Variants in KCTD2 observed in about 807,000 individuals in gnomAD.
KCTD2 encodes the protein potassium channel tetramerization domain containing 2, also known as BTB/POZ domain-containing protein KCTD2.
A neutral mutation model predicts 27.9 loss-of-function variants in KCTD2; 18 were observed. The ratio of observed to expected loss-of-function variants is 0.64; its 90% CI spans 0.45 to 0.96. The LOEUF is 0.96. Among genes scored for constraint, KCTD2 ranks in the 40% least tolerant of loss-of-function variants. KCTD2 has a pLI of 0.00. For missense variants in KCTD2, 280 were observed against 348.0 expected, an observed-to-expected ratio of 0.80 and a Z score of 1.56; for synonymous variants, 175 against 148.4, an observed-to-expected ratio of 1.18 and a Z score of -1.30.
intron 1 of KCTD2, among the ~76,000 whole-genome samples, chr17:75,048,303 A>G (rs1265836734): frequency 6.6e-6 from 1 of 152,142 alleles, no homozygotes; most frequent in Non-Finnish European, 1.5e-5. Context: ...CACTTAAACC[A>G]TTTCCAGTTT....
chr17:75,057,386 G>A (rs2073360574), intron 3 of KCTD2, among the ~76,000 whole-genome samples: 1 of 152,146 alleles, frequency 6.6e-6, no homozygotes, highest in Non-Finnish European at 1.5e-5. Flanking sequence ...TTTGACAGCT[G>A]TGGCCAACAT....
At chr17:75,037,322 C>T (rs972282584) in intron 3 of KCTD2, among the ~76,000 whole-genome samples, 1 of 140,748 alleles carries the variant, frequency 7.1e-6, no homozygotes, top group African/African-American at 2.7e-5. Context: ...CCAGCCTGGG[C>T]GACAAAGCAA....
chr17:75,044,670 G>C (rs1446447457), upstream of KCTD2, among the ~76,000 whole-genome samples: 1 of 151,836 alleles, frequency 6.6e-6, no homozygotes, highest in Non-Finnish European at 1.5e-5. Context: ...CAACACATGT[G>C]AAAATGTGAG....
In KCTD2 at chr17:75,065,146, T is replaced by A. The variant is rs1358051414; in HGVS notation, c.*2099T>A. ...AGTTGCCGCCATGAAAAGACTGCTC[T>A]TGAGCCCCAAGGCACAGGCACGTGC... On this transcript the variant is annotated 3_prime_UTR_variant, in exon 6 of 6. Transcript: ENST00000322444. 2 of 152,116 alleles carry A rather than the reference T, an allele frequency of 1.3e-5. No homozygotes were observed. Among genetic ancestry groups the A allele is most frequent in the South Asian group, 2.1e-4 (1 of 4,832 alleles). The allele number at this position is 152,116 out of a possible 1,614,324, so 9.4% of individuals were successfully genotyped here. A position where few individuals can be genotyped will look rare whatever the true frequency, so the allele number is the denominator to read the frequency against.
At chr17:75,060,577 G>A (rs1050845109) in intron 4 of KCTD2, 62 of 1,611,336 alleles carry the variant, frequency 3.8e-5, no homozygotes, top group Non-Finnish European at 5.1e-5. Flanking sequence ...TTGGCAAAGA[G>A]CAGCTGGCCG....
chr17:75,040,316 G>T (rs536818846), intron 3 of KCTD2: 17 of 811,298 alleles, frequency 2.1e-5, no homozygotes, highest in Non-Finnish European at 2.9e-5. Context: ...AAGCGGAAAC[G>T]AATACGCATC....
chr17:75,040,264 T>C (rs1264059272), intron 3 of KCTD2: 2 of 1,385,708 alleles, frequency 1.4e-6, no homozygotes, highest in East Asian at 4.6e-5. Flanking sequence ...GGCTGGAAGC[T>C]ACGAATCCTT....
At chr17:75,059,673 G>A (rs1012795885) in intron 4 of KCTD2, 68 bp downstream of exon 4, 8 of 1,245,142 alleles carry the variant, frequency 6.4e-6, no homozygotes, top group Admixed American at 3.7e-5. Context: ...CAAACAATCA[G>A]TGTGGATGGC....
chr17:75,062,354 C>CA (rs1189367898), intron 5 of KCTD2, 109 bp downstream of exon 5: 17 of 1,083,222 alleles, frequency 1.6e-5, no homozygotes, highest in East Asian at 2.7e-5. Flanking sequence ...CTTCTAGAGC[C>CA]AGCGTTGCAT....
At chr17:75,047,865 C>T (rs1455218877) in intron 1 of KCTD2, among the ~76,000 whole-genome samples, 2 of 152,190 alleles carry the variant, frequency 1.3e-5, no homozygotes, top group African/African-American at 2.4e-5. Flanking sequence ...CGAGAACGCA[C>T]TCCACACCCC....
rs1350182885 is a variant in KCTD2, at chr17:75,047,384, G to A, written c.134G>A (p.Gly45Asp). The change falls in exon 1 of 6, where the codon GGC becomes GAC. Residue 45 changes from glycine (G) to aspartate (D), a missense_variant. Transcript: ENST00000322444. ...GCTGGCCCCACGCCCCGCGGGCACG[G>A]CCGCCCGGCTGCCGCCGTCGCGCAG... ...RPAGPTPRGH[G>D]RPAAAVAQPL... is the part of the protein sequence containing the mutation. 3 of 1,138,372 alleles carry A rather than the reference G, an allele frequency of 2.6e-6. No homozygotes were observed. Among genetic ancestry groups the A allele is most frequent in the Non-Finnish European group, 3.2e-6 (3 of 929,316 alleles). The allele number at this position is 1,138,372 out of a possible 1,614,324, so 70.5% of individuals were successfully genotyped here. A position where few individuals can be genotyped will look rare whatever the true frequency, so the allele number is the denominator to read the frequency against.
At chr17:75,054,572 G>A (rs1291037772) in intron 3 of KCTD2, among the ~76,000 whole-genome samples, 5 of 152,076 alleles carry the variant, frequency 3.3e-5, no homozygotes, top group South Asian at 2.1e-4. Context: ...TTGGGAGGCC[G>A]AGACGGGCAG....
Position 75,047,454 on chromosome 17 carries a change from C to T in KCTD2, c.204C>T (p.Gly68=), listed in dbSNP as rs752606879. 13 of 1,541,238 alleles carry T rather than the reference C, an allele frequency of 8.4e-6. No homozygotes were observed. The highest frequency in any genetic ancestry group is 4.3e-5 in the African/African-American group (3 of 70,460). Reference sequence around the variant, plus strand: ...GACCACCCGAGCGGGCAGGGGGCGGCGGCGCGGCCCGCTGGGTCAGGCTGA... The same window carrying T: ...GACCACCCGAGCGGGCAGGGGGCGGTGGCGCGGCCCGCTGGGTCAGGCTGA... ...GPGPPERAGG[G]GAARWVRLNV... The change falls in exon 1 of 6, where the codon GGC becomes GGT. Residue 68 remains glycine, a synonymous_variant. Transcript: ENST00000322444.
intron 4 of KCTD2, among the ~76,000 whole-genome samples, chr17:75,060,082 T>C (rs1045122233): frequency 1.4e-4 from 21 of 152,182 alleles, no homozygotes; most frequent in African/African-American, 5.1e-4. Context: ...CCGTTTCCCC[T>C]ACTTCTCTCC....
chr17:75,034,564 G>A (rs2040096847), intron 2 of KCTD2, among the ~76,000 whole-genome samples: 1 of 152,150 alleles, frequency 6.6e-6, no homozygotes, highest in African/African-American at 2.4e-5. Context: ...GCCCAAACAC[G>A]GCCCTGCTGT....
At chr17:75,047,032 C>G (rs1242423765), upstream of KCTD2, 1 of 245,664 alleles carries the variant, frequency 4.1e-6, no homozygotes, top group Admixed American at 5.6e-5. Flanking sequence ...GGCCTTGCTT[C>G]GCAGATCAGC....
intron 3 of KCTD2, among the ~76,000 whole-genome samples, chr17:75,038,629 A>G (rs1470207310): frequency 6.6e-6 from 1 of 152,178 alleles, no homozygotes; most frequent in East Asian, 1.9e-4. Context: ...AGCAGATAAC[A>G]ATTCTTTACT....
At position 75,047,516 on chromosome 17, in the gene KCTD2, C is replaced by T. The variant is rs772859273; in HGVS notation, c.266C>T (p.Thr89Ile). The T allele has an allele frequency of 1.2e-5, 19 of 1,611,632 alleles. No individual in the cohort carries two copies. The South Asian group carries it at 1.6e-4, about 14-fold the overall frequency. ...GGTYFVTTRQ[T>I]LGREPKSFLC... ...ACCTACTTCGTGACCACCAGACAGACCTTAGGCCGGGAGCCCAAGTCATTT... is the reference window on the plus strand; with the variant it reads ...ACCTACTTCGTGACCACCAGACAGATCTTAGGCCGGGAGCCCAAGTCATTT... Residue 89 changes from threonine to isoleucine, a missense_variant, in exon 1 of 6, where the codon ACC becomes ATC. By Grantham distance (89) the Thr-to-Ile change is moderately conservative. Transcript: ENST00000322444.
chr17:75,059,701 A>G (rs2073384586), intron 4 of KCTD2, 96 bp downstream of exon 4: 5 of 922,304 alleles, frequency 5.4e-6, no homozygotes, highest in Non-Finnish European at 8.4e-6. Context: ...TAACCACGGG[A>G]GACGGCTACG....
Sources: allele counts gnomAD v4.1 joint callset (sites outside exome capture counted in the v4.1 genomes callset), GRCh38; gene constraint gnomAD v4.1.1; transcripts MANE v1.5; gene names NCBI Gene and HGNC (gene_info 2026-07-23, HGNC 2026-07-21).